NUP43: variants seen among roughly 807,000 people sequenced by gnomAD.
The protein encoded by NUP43 is nucleoporin Nup43.
Under a neutral mutation model 47.3 loss-of-function variants are expected in NUP43, and 32 were observed. The observed-to-expected ratio is 0.68, with a 90% CI of 0.51 to 0.91. The LOEUF is 0.91. Ranked by LOEUF, NUP43 falls within the 40% of genes least tolerant of loss-of-function variation. The pLI is 0.00. For synonymous variants in NUP43, 147 were observed against 158.4 expected, an observed-to-expected ratio of 0.93 and a Z score of 0.54; for missense variants, 444 against 453.9, an observed-to-expected ratio of 0.98 and a Z score of 0.20.
At chr6:149,738,073 C>T (rs1785459266) in intron 5 of NUP43, among the ~76,000 whole-genome samples, 1 of 152,016 alleles carries the variant, frequency 6.6e-6, no homozygotes, top group African/African-American at 2.4e-5. Context: ...AATTCAAGGC[C>T]ACAATTATTC....
At chr6:149,731,284 G>T (rs1785022832) in intron 7 of NUP43, 1 of 178,418 alleles carries the variant, frequency 5.6e-6, no homozygotes, top group Admixed American at 5.8e-5. Context: ...AAAAGGCCAG[G>T]TGTGGTGGCT....
intron 5 of NUP43, 65 bp from the exon 6 acceptor site, chr6:149,736,687 G>T: frequency 7.1e-7 from 1 of 1,406,616 alleles, no homozygotes; most frequent in Non-Finnish European, 9.8e-7. Context: ...GTGTAACACA[G>T]GAAACACGTT....
chr6:149,742,840 G>A (rs10872645), intron 3 of NUP43, among the ~76,000 whole-genome samples: 81,250 of 152,052 alleles, frequency 0.53, 24,884 homozygotes, highest in East Asian at 0.83. Flanking sequence ...GATGTTCAAA[G>A]GCAACTCTTT....
intron 4 of NUP43, among the ~76,000 whole-genome samples, chr6:149,740,521 C>T (rs933752833): frequency 2.6e-5 from 4 of 151,500 alleles, no homozygotes; most frequent in Admixed American, 6.6e-5. Context: ...CCCAGCTCCT[C>T]GGGAGGCTGA....
upstream of NUP43, chr6:149,746,688 C>A: frequency 6.5e-7 from 1 of 1,532,248 alleles, no homozygotes; most frequent in Non-Finnish European, 8.8e-7. Flanking sequence ...TCTCACAGAG[C>A]AGCTCTGAGC....
At chr6:149,730,011 CT>C (rs748964252) in intron 7 of NUP43, among the ~76,000 whole-genome samples, 365 of 141,884 alleles carry the variant, frequency 2.6e-3, no homozygotes, top group East Asian at 4.4e-3. Context: ...AAAGCACGCC[CT>C]TTTTTTTTTT....
At chr6:149,739,921 C>A (rs532340920) in intron 4 of NUP43, among the ~76,000 whole-genome samples, 5 of 152,294 alleles carry the variant, frequency 3.3e-5, no homozygotes, top group Non-Finnish European at 7.4e-5. Flanking sequence ...CATAATTTAA[C>A]ATATACTTTA....
At chr6:149,729,654 C>G (rs1310380258) in intron 7 of NUP43, 1 of 366,614 alleles carries the variant, frequency 2.7e-6, no homozygotes, top group African/African-American at 2.2e-5. Flanking sequence ...TTTTCCCAGC[C>G]CTTCTAACAC....
intron 2 of NUP43, among the ~76,000 whole-genome samples, chr6:149,745,100 G>A (rs1370231118): frequency 1.3e-5 from 2 of 150,700 alleles, no homozygotes; most frequent in Admixed American, 6.6e-5. Flanking sequence ...TCCACACCAG[G>A]ATTTGAAAAC....
chr6:149,746,331 G>A (rs751137429), intron 1 of NUP43, 45 bp downstream of exon 1: 12 of 1,604,478 alleles, frequency 7.5e-6, no homozygotes, highest in South Asian at 1.1e-5. Flanking sequence ...CAGCTCAACC[G>A]GAGAGAGGGA....
At chr6:149,749,097 G>C (rs1786178247), upstream of NUP43, among the ~76,000 whole-genome samples, 1 of 151,596 alleles carries the variant, frequency 6.6e-6, no homozygotes. Flanking sequence ...TATTCTAAGG[G>C]AGCAAAGCTT....
chr6:149,741,745 T>A (rs1018197267), intron 4 of NUP43, among the ~76,000 whole-genome samples: 2 of 152,174 alleles, frequency 1.3e-5, no homozygotes, highest in Non-Finnish European at 2.9e-5. Context: ...GACCTTGTGA[T>A]CCGCCTGCAT....
At chr6:149,748,314 G>T (rs556950978), upstream of NUP43, among the ~76,000 whole-genome samples, 9 of 152,094 alleles carry the variant, frequency 5.9e-5, no homozygotes, top group Admixed American at 5.9e-4. Context: ...GTGAGACTCC[G>T]TCTCAATCAA....
At position 149,726,748 on chromosome 6, in the gene NUP43, C is replaced by T; in HGVS notation, c.*221G>A. Reference sequence around the variant, plus strand: ...GCACCAGAATCCCACTGATTTTCTTCCACATGTTCACAATCTTTTGCCATC... The same window carrying T: ...GCACCAGAATCCCACTGATTTTCTTTCACATGTTCACAATCTTTTGCCATC... On this transcript the variant is annotated 3_prime_UTR_variant, in exon 8 of 8. Transcript: ENST00000340413. 1 of 545,600 alleles carries T rather than the reference C, an allele frequency of 1.8e-6. No homozygotes were observed. Among genetic ancestry groups the T allele is most frequent in the East Asian group, 3.1e-5 (1 of 32,132 alleles). 33.8% of individuals were successfully genotyped at this position (545,600 alleles called of 1,614,324 possible).
At chr6:149,741,062 CA>C (rs562659886) in intron 4 of NUP43, among the ~76,000 whole-genome samples, 95 of 142,014 alleles carry the variant, frequency 6.7e-4, no homozygotes, top group Non-Finnish European at 6.7e-4. Flanking sequence ...GCCCTCTCAC[CA>C]AAAAAAAAAA....
At chr6:149,737,961 G>T (rs1035254775) in intron 5 of NUP43, among the ~76,000 whole-genome samples, 5 of 152,046 alleles carry the variant, frequency 3.3e-5, no homozygotes, top group African/African-American at 1.2e-4. Flanking sequence ...AAAGTGCTGG[G>T]ATTACAAGCA....
chr6:149,744,516 C>T (rs1395658906), intron 2 of NUP43, among the ~76,000 whole-genome samples: 5 of 141,038 alleles, frequency 3.5e-5, no homozygotes, highest in African/African-American at 1.1e-4. Context: ...GAGCAAGACT[C>T]GTCATAAAAA....
intron 5 of NUP43, among the ~76,000 whole-genome samples, chr6:149,737,299 A>G (rs1454805894): frequency 6.6e-6 from 1 of 151,880 alleles, no homozygotes; most frequent in Non-Finnish European, 1.5e-5. Flanking sequence ...AAAAAAAAAA[A>G]AAGAGAGACA....
chr6:149,731,820 C>G, intron 6 of NUP43, 85 bp from the exon 7 acceptor site: 1 of 1,371,142 alleles, frequency 7.3e-7, no homozygotes. Context: ...GCATCATCTT[C>G]CATTATCCTC....
Sources: gnomAD v4.1 joint callset for allele counts (sites outside exome capture counted in the v4.1 genomes callset) on GRCh38, gnomAD v4.1.1 for gene constraint, MANE v1.5 for transcripts, NCBI Gene and HGNC (gene_info 2026-07-23, HGNC 2026-07-21) for gene names.